PADI4: variants seen among roughly 807,000 people sequenced by gnomAD.
PADI4 encodes the protein protein-arginine deiminase type-4.
Under a neutral mutation model 75.0 loss-of-function variants are expected in PADI4, and 62 were observed. That is an observed-to-expected ratio of 0.83 (90% CI 0.67 to 1.02). The LOEUF (loss-of-function observed/expected upper bound fraction) is 1.02, where lower values mean the gene tolerates loss of function less well. Among genes scored for constraint, PADI4 ranks in the 50% least tolerant of loss-of-function variants. The probability of loss-of-function intolerance (pLI) is 0.00; values close to 1 mark genes in which losing one functional copy is unlikely to be tolerated. For synonymous variants in PADI4, 361 were observed against 348.1 expected (o/e 1.04, Z -0.41); for missense variants, 845 against 850.5 (o/e 0.99, Z 0.08).
At chr1:17,330,565 G>A (rs186733374) in intron 1 of PADI4, among the ~76,000 whole-genome samples, 19 of 151,672 alleles carry the variant, frequency 1.3e-4, no homozygotes, top group African/African-American at 4.4e-4. Flanking sequence ...AGCCACTGGA[G>A]CAAGTCCCAG....
chr1:17,359,539 G>A (rs1286999590), intron 15 of PADI4, 131 bp downstream of exon 15: 1 of 1,246,460 alleles, frequency 8.0e-7, no homozygotes. Context: ...TTTGTCCTGA[G>A]TGGTACAAGG....
intron 7 of PADI4, 48 bp from the exon 8 acceptor site, chr1:17,342,251 C>A (rs759060345): frequency 1.4e-6 from 2 of 1,429,798 alleles, no homozygotes; most frequent in South Asian, 1.2e-5. Flanking sequence ...GGTGCTGGGC[C>A]CTGGCAGCGG....
At chr1:17,329,002 G>T (rs868138587) in intron 1 of PADI4, among the ~76,000 whole-genome samples, 32 of 146,968 alleles carry the variant, frequency 2.2e-4, no homozygotes, top group Middle Eastern at 3.6e-3. Flanking sequence ...TTTTTATTAT[G>T]ATATTTATTA....
intron 10 of PADI4, 65 bp from the exon 11 acceptor site, chr1:17,354,468 A>C: frequency 6.9e-7 from 1 of 1,454,788 alleles, no homozygotes; most frequent in Non-Finnish European, 9.7e-7. Flanking sequence ...CTAAACTTGG[A>C]CCCCCCGACC....
chr1:17,359,218 C>CA, intron 14 of PADI4, 62 bp from the exon 15 acceptor site: 1 of 519,092 alleles, frequency 1.9e-6, no homozygotes, highest in Non-Finnish European at 3.4e-6. Flanking sequence ...CCCACACTGT[C>CA]CCCCACCCCC....
chr1:17,308,931 T>C (rs2073726333), intron 1 of PADI4, among the ~76,000 whole-genome samples: 1 of 152,084 alleles, frequency 6.6e-6, no homozygotes, highest in African/African-American at 2.4e-5. Flanking sequence ...AATGTGCAGA[T>C]GTTGGCTGAG....
At chr1:17,361,341 G>A (rs1193698683) in intron 15 of PADI4, among the ~76,000 whole-genome samples, 1 of 152,260 alleles carries the variant, frequency 6.6e-6, no homozygotes, top group Non-Finnish European at 1.5e-5. Context: ...GGGAATGAAA[G>A]TGGACGCCCG....
chr1:17,360,749 G>A (rs533147222), intron 15 of PADI4, among the ~76,000 whole-genome samples: 3 of 152,094 alleles, frequency 2.0e-5, no homozygotes, highest in Non-Finnish European at 4.4e-5. Flanking sequence ...ACACCCTCAA[G>A]TCACCTTATG....
rs183314864 is a variant in PADI4 at position 17,313,190 on chromosome 1, A to G, written c.92+4876A>G. 3.5e-3 allele frequency among the ~76,000 whole-genome samples: 534 copies of G among 151,178 alleles called. 3 individuals carry two copies. Among genetic ancestry groups the G allele is most frequent in the African/African-American group, 0.012 (510 of 41,220 alleles). ...AGGCGACAGAGCGAGACTCTGCCTCAAAAAAAATAGAAAGAAAGAAACAAT... is the reference window on the plus strand; with the variant it reads ...AGGCGACAGAGCGAGACTCTGCCTCGAAAAAAATAGAAAGAAAGAAACAAT... On this transcript the variant is annotated intron_variant, in intron 1 of 15. Transcript: ENST00000375448.
At chr1:17,315,652 T>C (rs973389412) in intron 1 of PADI4, among the ~76,000 whole-genome samples, 4 of 151,890 alleles carry the variant, frequency 2.6e-5, no homozygotes, top group African/African-American at 9.7e-5. Context: ...CCCCCAACAC[T>C]GGCTCCTTTG....
chr1:17,334,760 T>C, intron 3 of PADI4: 1 of 369,906 alleles, frequency 2.7e-6, no homozygotes, highest in Non-Finnish European at 5.3e-6. Flanking sequence ...CATATTTATG[T>C]AATGTTCTTC....
rs148514225 is a variant in PADI4, at chr1:17,323,651, T to C, written c.93-7318T>C. On this transcript the variant is annotated intron_variant, in intron 1 of 15. Coordinates refer to ENST00000375448, the MANE Select transcript of PADI4 (RefSeq NM_012387.3). ...GGGTTCAAGACTAGCCTGCATGACA[T>C]GGCAAAACCCCATCTCTACAAAAAT... Among the ~76,000 whole-genome samples, 445 of 152,218 alleles carry C rather than the reference T, an allele frequency of 2.9e-3. 1 individual carries two copies. The highest frequency in any genetic ancestry group is 5.2e-3 in the Non-Finnish European group (351 of 67,998).
chr1:17,330,909 C>A, intron 1 of PADI4, 60 bp from the exon 2 acceptor site: 3 of 1,119,732 alleles, frequency 2.7e-6, no homozygotes, highest in South Asian at 3.3e-5. Context: ...CTGGGAGAGC[C>A]ATGGCTGGCC....
chr1:17,337,834 C>G (rs1748025), intron 4 of PADI4, among the ~76,000 whole-genome samples: 97,757 of 152,012 alleles, frequency 0.64, 31,580 homozygotes, highest in Non-Finnish European at 0.67. Flanking sequence ...AGAATCACTT[C>G]AACCTGGGGG....
intron 1 of PADI4, among the ~76,000 whole-genome samples, chr1:17,317,541 T>G (rs1244043470): frequency 6.6e-6 from 1 of 151,018 alleles, no homozygotes; most frequent in Non-Finnish European, 1.5e-5. Context: ...AGTGCTGGGA[T>G]TACAGGCTTG....
intron 1 of PADI4, among the ~76,000 whole-genome samples, chr1:17,314,991 G>C (rs1476159538): frequency 1.3e-5 from 2 of 152,194 alleles, no homozygotes; most frequent in Admixed American, 1.3e-4. Context: ...GTGCCACCCG[G>C]GGTGATGACA....
At chr1:17,352,190 GGGAGGAGATGGGAGGTGGTA>G (rs2074670467) in intron 10 of PADI4, among the ~76,000 whole-genome samples, 1 of 117,802 alleles carries the variant, frequency 8.5e-6, no homozygotes, top group Non-Finnish European at 2.0e-5. Flanking sequence ...GAGGCGGTCA[GGGAGGAGATGGGAGGTGGTA>G]AGAGGGGTGG....
chr1:17,358,714 G>A, intron 13 of PADI4, 124 bp from the exon 14 acceptor site: 1 of 693,238 alleles, frequency 1.4e-6, no homozygotes, highest in Non-Finnish European at 2.6e-6. Flanking sequence ...AAACCTGTAT[G>A]GTAAGAATTA....
In PADI4 at chr1:17,339,703, C is replaced by G. The variant is rs146293165; in HGVS notation, c.542C>G (p.Ser181Trp). 6.2e-7 allele frequency: 1 copy of G among 1,613,926 alleles called. No homozygotes were observed. Among genetic ancestry groups the G allele is most frequent in the South Asian group, 1.1e-5 (1 of 91,056 alleles). ...VLDSEDLQDM[S>W]LMTLSTKTPK... ...CTCATCCCAGACCTGCAGGACATGTCGCTGATGACCCTGAGCACGAAGACC... is the reference window on the plus strand; with the variant it reads ...CTCATCCCAGACCTGCAGGACATGTGGCTGATGACCCTGAGCACGAAGACC... The change falls in exon 6 of 16, where the codon TCG becomes TGG. Residue 181 changes from serine to tryptophan, a missense_variant. Physicochemically the swap from Ser to Trp is radical, Grantham distance 177. Transcript: ENST00000375448.
Sources: gnomAD v4.1 joint callset for allele counts (sites outside exome capture counted in the v4.1 genomes callset) on GRCh38, gnomAD v4.1.1 for gene constraint, MANE v1.5 for transcripts, NCBI Gene and HGNC (gene_info 2026-07-23, HGNC 2026-07-21) for gene names.